ADAMTSL1: variants seen among roughly 807,000 people sequenced by gnomAD.
ADAMTSL1 encodes ADAMTS like 1.
Under a neutral mutation model 201.8 loss-of-function variants are expected in ADAMTSL1, and 126 were observed. The observed-to-expected ratio is 0.62, with a 90% confidence interval of 0.54 to 0.72. The LOEUF (loss-of-function observed/expected upper bound fraction) is 0.72. Ranked by LOEUF, ADAMTSL1 falls within the 30% of genes least tolerant of loss-of-function variation. ADAMTSL1 has a pLI of 0.00. For synonymous variants in ADAMTSL1, 1,121 were observed against 903.4 expected (o/e 1.24, Z -4.32); for missense variants, 2,679 against 2,277.8 (o/e 1.18, Z -3.59).
At chr9:18,241,046 A>G (rs116259836) in intron 2 of ADAMTSL1, among the ~76,000 whole-genome samples, 1,867 of 152,250 alleles carry the variant, frequency 0.012, 50 homozygotes, top group African/African-American at 0.043. Flanking sequence ...AAAACTTTCC[A>G]TATCGTCATT....
chr9:18,243,139 A>T (rs963866928), intron 2 of ADAMTSL1, among the ~76,000 whole-genome samples: 1 of 152,180 alleles, frequency 6.6e-6, no homozygotes, highest in South Asian at 2.1e-4. Flanking sequence ...ACAGACACAT[A>T]GACCAGTGGA....
intron 1 of ADAMTSL1, among the ~76,000 whole-genome samples, chr9:18,087,047 G>A (rs957029647): frequency 6.6e-6 from 1 of 152,134 alleles, no homozygotes; most frequent in African/African-American, 2.4e-5. Context: ...ATGAGGCTGA[G>A]TTAATTTTGT....
intron 19 of ADAMTSL1, among the ~76,000 whole-genome samples, chr9:18,783,957 G>A (rs951859991): frequency 6.6e-5 from 10 of 152,214 alleles, no homozygotes; most frequent in East Asian, 1.9e-4. Flanking sequence ...TTAAAAATTC[G>A]TTTCATGGCT....
chr9:18,603,449 T>G (rs1481858419), intron 4 of ADAMTSL1, among the ~76,000 whole-genome samples: 1 of 152,136 alleles, frequency 6.6e-6, no homozygotes, highest in African/African-American at 2.4e-5. Context: ...TGCAGTATTG[T>G]TGGGTCCATA....
intron 15 of ADAMTSL1, 56 bp downstream of exon 15, chr9:18,721,721 T>G: frequency 1.9e-6 from 3 of 1,578,232 alleles, no homozygotes; most frequent in Non-Finnish European, 2.6e-6. Context: ...ACTGGGCGCA[T>G]CTTTCAGTGG....
At chr9:18,836,754 G>A (rs997707883) in intron 23 of ADAMTSL1, among the ~76,000 whole-genome samples, 1 of 152,102 alleles carries the variant, frequency 6.6e-6, no homozygotes, top group African/African-American at 2.4e-5. Flanking sequence ...TCCATTTATG[G>A]ATGTCATCTA....
At chr9:18,818,834 A>C (rs1218343042) in intron 21 of ADAMTSL1, among the ~76,000 whole-genome samples, 4 of 152,088 alleles carry the variant, frequency 2.6e-5, no homozygotes, top group Admixed American at 6.6e-5. Context: ...TATCTTTGTA[A>C]GTGTGCATTA....
At chr9:18,216,804 T>A (rs180933492) in intron 2 of ADAMTSL1, among the ~76,000 whole-genome samples, 1 of 152,292 alleles carries the variant, frequency 6.6e-6, no homozygotes, top group South Asian at 2.1e-4. Context: ...ATTTCAACTT[T>A]TTATTCAGAT....
At chr9:18,330,709 T>C (rs762799989) in intron 2 of ADAMTSL1, among the ~76,000 whole-genome samples, 1 of 152,196 alleles carries the variant, frequency 6.6e-6, no homozygotes, top group Non-Finnish European at 1.5e-5. Flanking sequence ...CTGCTGAATA[T>C]AACACCTAGT....
chr9:18,267,188 G>A (rs888576552), intron 2 of ADAMTSL1, among the ~76,000 whole-genome samples: 1 of 152,044 alleles, frequency 6.6e-6, no homozygotes, highest in Non-Finnish European at 1.5e-5. Flanking sequence ...AATCATGTCC[G>A]GACTCCCAAA....
At chr9:18,721,454 C>G (rs556389189) in intron 14 of ADAMTSL1, 82 bp from the exon 15 acceptor site, 16 of 1,556,672 alleles carry the variant, frequency 1.0e-5, no homozygotes, top group Admixed American at 1.8e-5. Context: ...GGACCTCCCA[C>G]CAGCTGCCTT....
intron 2 of ADAMTSL1, among the ~76,000 whole-genome samples, chr9:18,385,591 T>C (rs192537836): frequency 3.3e-5 from 5 of 152,334 alleles, no homozygotes; most frequent in Admixed American, 3.3e-4. Context: ...CCTTTTGCAA[T>C]ACCTTTTCCA....
chr9:18,195,629 G>C (rs1192857631), intron 2 of ADAMTSL1, among the ~76,000 whole-genome samples: 1 of 152,026 alleles, frequency 6.6e-6, no homozygotes, highest in African/African-American at 2.4e-5. Flanking sequence ...GTTTTCTTTG[G>C]CCTTATAATC....
At chr9:18,847,012 T>C (rs1399260985) in intron 23 of ADAMTSL1, among the ~76,000 whole-genome samples, 6 of 152,184 alleles carry the variant, frequency 3.9e-5, no homozygotes, top group South Asian at 4.1e-4. Flanking sequence ...TGTGTAGTTA[T>C]AAGGAGGAGA....
chr9:18,399,372 C>T (rs1188620406), intron 2 of ADAMTSL1, among the ~76,000 whole-genome samples: 1 of 143,620 alleles, frequency 7.0e-6, no homozygotes, highest in Admixed American at 7.2e-5. Flanking sequence ...CAAAGTCTTG[C>T]TCTGTCACCC....
At chr9:18,616,844 G>T (rs1825729227) in intron 4 of ADAMTSL1, among the ~76,000 whole-genome samples, 1 of 152,086 alleles carries the variant, frequency 6.6e-6, no homozygotes, top group Admixed American at 6.6e-5. Context: ...TTTAATGAAA[G>T]GTTAAGCATA....
chr9:18,886,337 G>A (rs71508705), intron 23 of ADAMTSL1, among the ~76,000 whole-genome samples: 7 of 151,284 alleles, frequency 4.6e-5, no homozygotes, highest in Non-Finnish European at 8.8e-5. Context: ...TGTGAGCTAC[G>A]ATTGCACCAC....
chr9:17,963,274 G>A (rs1817831589), intron 1 of ADAMTSL1, among the ~76,000 whole-genome samples: 1 of 152,052 alleles, frequency 6.6e-6, no homozygotes, highest in African/African-American at 2.4e-5. Context: ...TGCTATGTTT[G>A]CTTTATCATA....
At chr9:17,990,232 C>T (rs1453165839) in intron 1 of ADAMTSL1, among the ~76,000 whole-genome samples, 2 of 151,938 alleles carry the variant, frequency 1.3e-5, no homozygotes, top group Non-Finnish European at 2.9e-5. Context: ...ATAAGCTTTC[C>T]TTTTATGTAG....
Sources: gnomAD v4.1 joint callset for allele counts (sites outside exome capture counted in the v4.1 genomes callset) on GRCh38, gnomAD v4.1.1 for gene constraint, MANE v1.5 for transcripts, NCBI Gene and HGNC (gene_info 2026-07-23, HGNC 2026-07-21) for gene names.